The following BET1 variants were observed in gnomAD, a reference collection of about 807,000 sequenced individuals.
BET1 encodes BET1 homolog.
Under a neutral mutation model 13.9 loss-of-function variants are expected in BET1, and 9 were observed. The observed-to-expected ratio is 0.65, with a 90% CI of 0.39 to 1.13. The LOEUF is 1.13. BET1 is among the 50% of genes most tolerant of loss of function. BET1 has a pLI of 0.01. For missense variants in BET1, 127 were observed against 133.6 expected (o/e 0.95, Z 0.24); for synonymous variants, 39 against 47.3 (o/e 0.82, Z 0.72).
intron 4 of BET1, among the ~76,000 whole-genome samples, chr7:93,987,918 A>G (rs1795556933): frequency 1.3e-5 from 2 of 152,192 alleles, no homozygotes; most frequent in South Asian, 4.1e-4. Context: ...GAAAATCATA[A>G]GAAGAATTTT....
downstream of BET1, among the ~76,000 whole-genome samples, chr7:93,991,153 T>C (rs1476874): frequency 0.042 from 6,337 of 152,274 alleles, 287 homozygotes; most frequent in African/African-American, 0.11. Flanking sequence ...GCCTTTTCCA[T>C]AAATGATTCT....
chr7:93,966,223 G>C (rs1483905987), intron 6 of BET1, among the ~76,000 whole-genome samples: 2 of 151,940 alleles, frequency 1.3e-5, no homozygotes, highest in Admixed American at 6.6e-5. Flanking sequence ...GAGAGAATGG[G>C]ATGCTTCTCA....
exon 5 of BET1, chr7:93,975,913 G>C (rs1172534211): frequency 7.1e-6 from 8 of 1,133,302 alleles, no homozygotes; most frequent in Middle Eastern, 5.1e-4. Flanking sequence ...CTTCTTTCTT[G>C]GAAGATTTGG....
At chr7:93,991,804 A>T, downstream of BET1, 1 of 968,242 alleles carries the variant, frequency 1.0e-6, no homozygotes, top group Non-Finnish European at 1.2e-6. Context: ...AAGTTTATTC[A>T]TCAGTATAGA....
At chr7:93,999,438 A>C in intron 1 of BET1, 144 bp from the exon 2 acceptor site, 1 of 1,064,100 alleles carries the variant, frequency 9.4e-7, no homozygotes, top group African/African-American at 1.6e-5. Flanking sequence ...AATTTAAAAA[A>C]TAAATAACCA....
At chr7:93,989,113 A>G (rs955226997), downstream of BET1, among the ~76,000 whole-genome samples, 2 of 151,550 alleles carry the variant, frequency 1.3e-5, no homozygotes, top group Non-Finnish European at 1.5e-5. Flanking sequence ...TCCTGGGTTC[A>G]AGCAGTTCTC....
chr7:93,968,502 C>T (rs1466991590), intron 6 of BET1: 4 of 151,768 alleles, frequency 2.6e-5, no homozygotes, highest in African/African-American at 9.7e-5. Flanking sequence ...AAAACATGAA[C>T]ATCAATGTGT....
At chr7:93,988,657 C>T (rs1434663873), downstream of BET1, among the ~76,000 whole-genome samples, 3 of 152,070 alleles carry the variant, frequency 2.0e-5, no homozygotes, top group African/African-American at 4.8e-5. Context: ...AAGCAACACT[C>T]GTACACTTAA....
intron 1 of BET1, 92 bp from the exon 2 acceptor site, chr7:93,999,386 C>T: frequency 2.1e-6 from 3 of 1,458,844 alleles, no homozygotes; most frequent in South Asian, 1.4e-5. Context: ...CCCTGGAGGG[C>T]CTTGCAAACC....
At chr7:93,991,729 G>A (rs1795639746), downstream of BET1, 1 of 889,114 alleles carries the variant, frequency 1.1e-6, no homozygotes, top group Admixed American at 6.2e-5. Context: ...TGCTCAGGCA[G>A]TGTAACTTCA....
chr7:93,996,020 A>G (rs2116122943), intron 3 of BET1: 1 of 500,818 alleles, frequency 2.0e-6, no homozygotes, highest in African/African-American at 2.0e-5. Context: ...TTTAACAATC[A>G]TTCTAAAAAC....
intron 4 of BET1, among the ~76,000 whole-genome samples, chr7:93,986,246 A>G (rs1233838649): frequency 6.6e-6 from 1 of 152,158 alleles, no homozygotes; most frequent in Non-Finnish European, 1.5e-5. Context: ...ATGGTATCTC[A>G]TTTGCAATTC....
chr7:93,966,928 C>T (rs556526226), intron 6 of BET1, among the ~76,000 whole-genome samples: 1 of 151,894 alleles, frequency 6.6e-6, no homozygotes, highest in South Asian at 2.1e-4. Context: ...TCTTATGCTT[C>T]TAAATATACT....
At chr7:93,967,415 A>G (rs1249256364) in intron 6 of BET1, among the ~76,000 whole-genome samples, 2 of 151,852 alleles carry the variant, frequency 1.3e-5, no homozygotes, top group Non-Finnish European at 2.9e-5. Context: ...AATCCTTAAT[A>G]TAGGGCCATC....
At chr7:93,992,277 C>CT (rs1271015749), downstream of BET1, 3 of 985,164 alleles carry the variant, frequency 3.0e-6, no homozygotes, top group Non-Finnish European at 3.6e-6. Context: ...CCTGAAATCT[C>CT]TATCTGCTTG....
intron 6 of BET1, among the ~76,000 whole-genome samples, chr7:93,971,857 A>C (rs10257353): frequency 0.42 from 64,274 of 151,276 alleles, 15,027 homozygotes; most frequent in African/African-American, 0.63. Flanking sequence ...AGTAATCTGA[A>C]TTTTAAAGGT....
At chr7:94,000,003 T>C (rs184616373) in intron 1 of BET1, among the ~76,000 whole-genome samples, 572 of 152,292 alleles carry the variant, frequency 3.8e-3, no homozygotes, top group Non-Finnish European at 6.8e-3. Flanking sequence ...TTCATAGTCA[T>C]CAGGCTATCA....
rs751358088 is a variant in BET1, at chr7:93,994,363, GT to G, written c.223del (p.Thr75LeufsTer4). The stretch of plus-strand genomic sequence containing the variant: ...GCCCATAGTTTTACCTAGAAATCCA[GT>G]TGTGGAATCAAATTGTGAATCCTAT... ...AEMDSQFDST[T>X]GFLGKTMGKL... is the part of the protein sequence containing the mutation. On this transcript the variant is annotated frameshift_variant, in exon 4 of 4. Transcript: ENST00000222547. LOFTEE classifies it high-confidence loss of function. The G allele has an allele frequency of 6.2e-7, 1 of 1,612,588 alleles. No homozygotes were observed. The highest frequency in any genetic ancestry group is 8.5e-7 in the Non-Finnish European group (1 of 1,179,460).
chr7:93,989,714 G>A (rs954428014), downstream of BET1, among the ~76,000 whole-genome samples: 6 of 152,154 alleles, frequency 3.9e-5, no homozygotes, highest in Admixed American at 2.0e-4. Context: ...TAGGGTTTAT[G>A]GCAATTTTGA....
Sources: allele counts gnomAD v4.1 joint callset (sites outside exome capture counted in the v4.1 genomes callset), GRCh38; gene constraint gnomAD v4.1.1; transcripts MANE v1.5; gene names NCBI Gene and HGNC (gene_info 2026-07-23, HGNC 2026-07-21).